The following ADAMTS15 variants were observed in gnomAD, a reference collection of about 807,000 sequenced individuals.
The protein encoded by ADAMTS15 is ADAM metallopeptidase with thrombospondin type 1 motif 15, also known as A disintegrin and metalloproteinase with thrombospondin motifs 15.
In ADAMTS15, 35 loss-of-function variants were observed where a neutral mutation model predicts 79.1. The ratio of observed to expected loss-of-function variants is 0.44; its 90% CI spans 0.34 to 0.59. ADAMTS15 has a LOEUF of 0.59. ADAMTS15 is among the 20% of genes least tolerant of loss of function. The pLI is 0.02. For synonymous variants in ADAMTS15, 616 were observed against 567.3 expected (o/e 1.09, Z -1.22); for missense variants, 1,324 against 1,318.7 (o/e 1.00, Z -0.06).
At position 130,462,276 on chromosome 11, in the gene ADAMTS15, G is replaced by A. The variant is rs780739023; in HGVS notation, c.1258+22G>A. 3 of 1,600,806 alleles carry A rather than the reference G, an allele frequency of 1.9e-6. No homozygotes were observed. Among genetic ancestry groups the A allele is most frequent in the Non-Finnish European group, 2.6e-6 (3 of 1,171,690 alleles). On this transcript the variant is annotated intron_variant, in intron 3 of 7. Transcript: ENST00000299164. This position sits in a 1 kb window ranked among gnomAD's most constrained non-coding sequence, Gnocchi z 4.3. ...CACGGTAAGCCAGGACGGCGGGAGG[G>A]CAATGAGGCCGCCTCGGAGGGGGCT...
At chr11:130,470,858 T>A (rs1938436121) in intron 5 of ADAMTS15, 62 bp from the exon 6 acceptor site, 1 of 1,541,650 alleles carries the variant, frequency 6.5e-7, no homozygotes, top group African/African-American at 1.4e-5. Context: ...GAGGGAGGCT[T>A]GTCCTTTGCA....
At chr11:130,458,115 C>G (rs545538833) in intron 1 of ADAMTS15, among the ~76,000 whole-genome samples, 7 of 152,162 alleles carry the variant, frequency 4.6e-5, no homozygotes, top group Non-Finnish European at 1.5e-5. Context: ...GGCTTTTGGC[C>G]GTAAGGACTT....
chr11:130,471,472 G>A lies in ADAMTS15; in HGVS notation c.2078+89G>A, dbSNP rs1477636218. On this transcript the variant is annotated intron_variant, in intron 7 of 7. Transcript: ENST00000299164. ...TATTGGAAGCTTGGGTTAGACTGGG[G>A]TAAATGTCAGATCCAGCCAGTACCC... is the stretch of plus-strand genomic sequence containing the variant. 3.4e-6 allele frequency: 5 copies of A among 1,458,842 alleles called. 1 individual carries two copies. The South Asian group carries it at 4.1e-5, about 12-fold the overall frequency. 90.4% of individuals were successfully genotyped at this position (1,458,842 alleles called of 1,614,324 possible).
rs1344210683 is a variant in ADAMTS15, at chr11:130,470,170, A to ATG, written c.1720+732_1720+733insGT. On this transcript the variant is annotated intron_variant, in intron 5 of 7. Coordinates refer to ENST00000299164, the MANE Select transcript of ADAMTS15 (RefSeq NM_139055.4). Reference sequence around the variant, plus strand: ...TATATATGTGTATATATATATATATATATATATATATGTGTGTATATATAT... The same window carrying ATG: ...TATATATGTGTATATATATATATATATGTATATATATATGTGTGTATATATAT... 8.0e-3 allele frequency among the ~76,000 whole-genome samples: 463 copies of ATG among 58,124 alleles called. 37 individuals carry two copies. The highest frequency in any genetic ancestry group is 0.026 in the African/African-American group (270 of 10,276). 38.1% of individuals were successfully genotyped at this position (58,124 alleles called of 152,430 possible).
intron 5 of ADAMTS15, among the ~76,000 whole-genome samples, chr11:130,470,151 T>TACGTATATATATATATATATAC: frequency 1.8e-5 from 1 of 56,334 alleles, no homozygotes; most frequent in Non-Finnish European, 3.4e-5. Flanking sequence ...TATATATATA[T>TACGTATATATATATATATATAC]GTGTATATAT....
At chr11:130,470,146 A>ATG (rs1938397816) in intron 5 of ADAMTS15, among the ~76,000 whole-genome samples, 2 of 58,868 alleles carry the variant, frequency 3.4e-5, no homozygotes, top group African/African-American at 1.8e-4. Context: ...ATATATATAT[A>ATG]TATATGTGTA....
intron 1 of ADAMTS15, among the ~76,000 whole-genome samples, chr11:130,455,075 A>G (rs1463831063): frequency 6.6e-6 from 1 of 152,056 alleles, no homozygotes; most frequent in African/African-American, 2.4e-5. Context: ...CTAGCAATGG[A>G]CATTGCGTGA....
intron 1 of ADAMTS15, chr11:130,450,263 T>G: frequency 1.0e-6 from 1 of 985,434 alleles, no homozygotes; most frequent in Non-Finnish European, 1.2e-6. Context: ...CCAAGACCGA[T>G]AGGAGACGCC....
chr11:130,463,074 C>T (rs552317842), intron 4 of ADAMTS15, among the ~76,000 whole-genome samples: 42 of 152,360 alleles, frequency 2.8e-4, no homozygotes, highest in Middle Eastern at 3.4e-3. Flanking sequence ...CTCCGGGCCT[C>T]GTCCTACCTG....
At chr11:130,450,822 G>T (rs867973819) in intron 1 of ADAMTS15, among the ~76,000 whole-genome samples, 5 of 152,196 alleles carry the variant, frequency 3.3e-5, no homozygotes, top group Admixed American at 6.5e-5. Flanking sequence ...GACCACACTT[G>T]ACTTCAGGGC....
intron 5 of ADAMTS15, 54 bp from the exon 6 acceptor site, chr11:130,470,866 G>T (rs1451461285): frequency 6.4e-7 from 1 of 1,565,554 alleles, no homozygotes; most frequent in East Asian, 2.2e-5. Flanking sequence ...CTTGTCCTTT[G>T]CACCGGCCTT....
At chr11:130,460,529 G>C (rs1467122363) in intron 1 of ADAMTS15, among the ~76,000 whole-genome samples, 2 of 152,080 alleles carry the variant, frequency 1.3e-5, no homozygotes, top group East Asian at 3.9e-4. Context: ...CACCTGCCTC[G>C]GCCTCCCAAA....
rs532410051 is a variant in ADAMTS15, at chr11:130,473,575, C to T, written c.2607C>T (p.Ser869=). ...LQKRAVDCRG[S]AGQRTVPACD... is the part of the protein sequence containing the mutation. ...AGCGGGCGGTGGACTGCCGGGGCTC[C>T]GCCGGGCAGCGCACGGTCCCTGCCT... Residue 869 remains serine (S), a synonymous_variant, in exon 8 of 8, where the codon TCC becomes TCT. Transcript: ENST00000299164. 516 of 1,603,072 alleles carry T rather than the reference C, an allele frequency of 3.2e-4. 6 individuals are homozygous for T. The South Asian group carries it at 4.4e-3, about 14-fold the overall frequency.
chr11:130,448,956 G>C lies in ADAMTS15; in HGVS notation c.-18G>C. On this transcript the variant is annotated 5_prime_UTR_variant, in exon 1 of 8. Coordinates refer to ENST00000299164, the MANE Select transcript of ADAMTS15 (RefSeq NM_139055.4). ...GCCCAGCCCCTTCCCACAGCGCGGC[G>C]GTGCGCTGCCCGGCGCCATGCTTCT... 6.7e-7 allele frequency: 1 copy of C among 1,482,288 alleles called. No homozygotes were observed. The highest frequency in any genetic ancestry group is 8.9e-7 in the Non-Finnish European group (1 of 1,117,860). The allele number at this position is 1,482,288 out of a possible 1,614,324, so 91.8% of individuals were successfully genotyped here.
intron 5 of ADAMTS15, 104 bp downstream of exon 5, chr11:130,469,543 G>A: frequency 2.3e-6 from 2 of 885,954 alleles, no homozygotes; most frequent in Non-Finnish European, 1.5e-6. Flanking sequence ...CAGGTAATTG[G>A]GTACACAGGT....
chr11:130,471,351 C>T lies in ADAMTS15; in HGVS notation c.2046C>T (p.Cys682=). The change falls in exon 7 of 8, where the codon TGC becomes TGT. Residue 682 remains cysteine (C), a synonymous_variant. Coordinates refer to ENST00000299164, the MANE Select transcript of ADAMTS15 (RefSeq NM_139055.4). ...TGTGTGGGGGAGACAATAAGAGCTG[C>T]AAGAAGGTGACTGGACTCTTCACCA... ...CGVCGGDNKS[C]KKVTGLFTKP... The T allele has an allele frequency of 1.2e-6, 2 of 1,611,070 alleles. No homozygotes were observed. The highest frequency in any genetic ancestry group is 1.7e-6 in the Non-Finnish European group (2 of 1,179,350).
In ADAMTS15 at chr11:130,473,443, C is replaced by T. The variant is rs530937272; in HGVS notation, c.2475C>T (p.Val825=). 3.1e-6 allele frequency: 5 copies of T among 1,612,728 alleles called. No individual in the cohort carries two copies. The South Asian group carries it at 5.5e-5, about 18-fold the overall frequency. The change falls in exon 8 of 8, where the codon GTC becomes GTT. Residue 825 remains valine (V), a synonymous_variant. Coordinates refer to ENST00000299164, the MANE Select transcript of ADAMTS15 (RefSeq NM_139055.4). ...PRGPSVLHNS[V]LSLSNQVEQP... ...GACCCTCTGTCTTGCACAACAGCGT[C>T]CTCAGCCTCTCCAACCAGGTGGAGC...
chr11:130,473,409 A>G lies in ADAMTS15; in HGVS notation c.2441A>G (p.Asp814Gly), dbSNP rs749250330. ...GAGGACAAGTCCTCTCATCCCAAGG[A>G]CCCCCGGGGACCCTCTGTCTTGCAC... ...PREDKSSHPK[D>G]PRGPSVLHNS... The change falls in exon 8 of 8, where the codon GAC becomes GGC. Residue 814 changes from aspartate (D) to glycine (G), a missense_variant. Coordinates refer to ENST00000299164, the MANE Select transcript of ADAMTS15 (RefSeq NM_139055.4). 1.2e-5 allele frequency: 19 copies of G among 1,612,536 alleles called. No homozygotes were observed. In the East Asian group the frequency reaches 4.2e-4, roughly 36 times the overall value.
chr11:130,474,863 A>G lies in ADAMTS15; in HGVS notation c.*1042A>G, dbSNP rs1396314698. 6.6e-6 allele frequency: 1 copy of G among 152,160 alleles called. No homozygotes were observed. The highest frequency in any genetic ancestry group is 2.4e-5 in the African/African-American group (1 of 41,426). The allele number at this position is 152,160 out of a possible 1,614,324, so 9.4% of individuals were successfully genotyped here. A position where few individuals can be genotyped will look rare whatever the true frequency, so the allele number is the denominator to read the frequency against. On this transcript the variant is annotated 3_prime_UTR_variant, in exon 8 of 8. Transcript: ENST00000299164. ...TGACAGTGGCCACAGTCCCGTACCC[A>G]TTGTGAGGGGCTGGGGCATGCCTAG...
Sources: gnomAD v4.1 joint callset for allele counts (sites outside exome capture counted in the v4.1 genomes callset) on GRCh38, gnomAD v4.1.1 for gene constraint, Gnocchi (gnomAD v3.1) non-coding constraint, MANE v1.5 for transcripts, NCBI Gene and HGNC (gene_info 2026-07-23, HGNC 2026-07-21) for gene names.